PANK1: variants seen among roughly 807,000 people sequenced by gnomAD.
The protein encoded by PANK1 is pantothenic acid kinase 1.
A neutral mutation model predicts 40.1 loss-of-function variants in PANK1; 18 were observed. The observed-to-expected ratio is 0.45, with a 90% confidence interval of 0.31 to 0.67. PANK1 has a LOEUF of 0.67. Among genes scored for constraint, PANK1 ranks in the 30% least tolerant of loss-of-function variants. The probability of loss-of-function intolerance (pLI) is 0.06; values close to 1 mark genes in which losing one functional copy is unlikely to be tolerated. For synonymous variants in PANK1, 242 were observed against 237.7 expected, an observed-to-expected ratio of 1.02 and a Z score of -0.17; for missense variants, 457 against 599.6, an observed-to-expected ratio of 0.76 and a Z score of 2.48.
chr10:89,612,305 C>T (rs1254885041), intron 1 of PANK1, among the ~76,000 whole-genome samples: 1 of 152,196 alleles, frequency 6.6e-6, no homozygotes, highest in Non-Finnish European at 1.5e-5. Flanking sequence ...TAGGATTCTG[C>T]AGTTCCCTAA....
At chr10:89,588,595 T>G (rs7913785) in intron 6 of PANK1, 57 bp downstream of exon 6, 49,127 of 1,429,340 alleles carry the variant, frequency 0.034, 1,075 homozygotes, top group African/African-American at 0.089. Context: ...GCTGATATGT[T>G]AGCCAAACCA....
At chr10:89,595,359 G>T (rs768140719) in intron 3 of PANK1, among the ~76,000 whole-genome samples, 17 of 152,132 alleles carry the variant, frequency 1.1e-4, no homozygotes, top group Non-Finnish European at 1.5e-4. Flanking sequence ...ACTGAGGAAG[G>T]AGAATTGCTT....
At chr10:89,644,014 T>A (rs919385231) in intron 1 of PANK1, 6 of 417,294 alleles carry the variant, frequency 1.4e-5, no homozygotes, top group Admixed American at 8.6e-5. Flanking sequence ...TCAGTGGGTG[T>A]GTCCCTCCCA....
At chr10:89,606,835 T>A (rs1388637660) in intron 2 of PANK1, among the ~76,000 whole-genome samples, 1 of 152,206 alleles carries the variant, frequency 6.6e-6, no homozygotes, top group Non-Finnish European at 1.5e-5. Flanking sequence ...ACCTTTCAAC[T>A]TTTCTTCTGC....
At chr10:89,610,414 G>GT (rs1490429096) in intron 2 of PANK1, among the ~76,000 whole-genome samples, 21 of 152,044 alleles carry the variant, frequency 1.4e-4, no homozygotes, top group Non-Finnish European at 1.5e-5. Flanking sequence ...GGTCATTTAA[G>GT]TAAGTGGCAA....
chr10:89,601,353 T>C (rs1844780012), intron 2 of PANK1, among the ~76,000 whole-genome samples: 1 of 138,554 alleles, frequency 7.2e-6, no homozygotes, highest in African/African-American at 2.7e-5. Context: ...GTGGGGTACA[T>C]GCTGCTGGTC....
At chr10:89,579,796 T>C (rs1844020607), downstream of PANK1, 1 of 152,246 alleles carries the variant, frequency 6.6e-6, no homozygotes, top group Non-Finnish European at 1.5e-5. Flanking sequence ...TATTGGTTTA[T>C]ATGCTTCAAG....
intron 1 of PANK1, among the ~76,000 whole-genome samples, chr10:89,634,301 C>A (rs745542083): frequency 6.6e-6 from 1 of 152,108 alleles, no homozygotes; most frequent in Non-Finnish European, 1.5e-5. Context: ...TGTCCAGAAG[C>A]CCCAGAGGGA....
intron 6 of PANK1, among the ~76,000 whole-genome samples, chr10:89,586,493 C>A (rs1032159468): frequency 6.6e-6 from 1 of 152,092 alleles, no homozygotes; most frequent in Non-Finnish European, 1.5e-5. Flanking sequence ...GTATGAATTT[C>A]TATCATTGGG....
chr10:89,618,973 C>CG (rs1192588487), intron 1 of PANK1, among the ~76,000 whole-genome samples: 1 of 152,184 alleles, frequency 6.6e-6, no homozygotes, highest in African/African-American at 2.4e-5. Flanking sequence ...CCTATGCTGA[C>CG]TAATATACCC....
chr10:89,610,308 T>C (rs1845113972), intron 2 of PANK1, among the ~76,000 whole-genome samples: 1 of 152,204 alleles, frequency 6.6e-6, no homozygotes, highest in Non-Finnish European at 1.5e-5. Context: ...TTTTCCATTA[T>C]GGACTGAAAC....
chr10:89,612,754 C>G (rs923525292), intron 1 of PANK1, among the ~76,000 whole-genome samples: 1 of 152,230 alleles, frequency 6.6e-6, no homozygotes, highest in African/African-American at 2.4e-5. Context: ...TTCCAAATAG[C>G]CTGCTCAGAA....
chr10:89,593,232 T>C lies in PANK1; in HGVS notation c.1165A>G (p.Ile389Val). The C allele has an allele frequency of 1.2e-6, 2 of 1,613,676 alleles. No individual in the cohort carries two copies. Among genetic ancestry groups the C allele is most frequent in the Non-Finnish European group, 1.7e-6 (2 of 1,179,670 alleles). The change falls in exon 5 of 7, where the codon ATT (isoleucine) becomes GTT (valine). Residue 389 changes from isoleucine (I) to valine (V), a missense_variant. Around this residue, in one of 4 missense-constraint regions of PANK1, gnomAD observed 286 missense variants for 415.8 expected, o/e 0.69. Coordinates refer to ENST00000307534, the MANE Select transcript of PANK1 (RefSeq NM_148977.3). ...RATLVTITNNIGSIARMCALN... is the reference protein window; with the variant it reads ...RATLVTITNNVGSIARMCALN... Reference sequence around the variant, plus strand: ...GCGCACATCCGAGCAATGGAGCCAATGTTGTTGGTGATGGTGACCAATGTG... The same window carrying C: ...GCGCACATCCGAGCAATGGAGCCAACGTTGTTGGTGATGGTGACCAATGTG...
chr10:89,609,845 C>T (rs557470433), intron 2 of PANK1, among the ~76,000 whole-genome samples: 1 of 152,196 alleles, frequency 6.6e-6, no homozygotes, highest in African/African-American at 2.4e-5. Context: ...CTGCTCATGG[C>T]CAACACATAT....
At chr10:89,635,017 G>A (rs1338288047) in intron 1 of PANK1, among the ~76,000 whole-genome samples, 1 of 152,090 alleles carries the variant, frequency 6.6e-6, no homozygotes, top group African/African-American at 2.4e-5. Context: ...TCCCAGTCAG[G>A]GCAAGATGAG....
At chr10:89,610,196 C>A (rs576477140) in intron 2 of PANK1, among the ~76,000 whole-genome samples, 1 of 152,252 alleles carries the variant, frequency 6.6e-6, no homozygotes, top group Admixed American at 6.5e-5. Context: ...TTACTCCCAC[C>A]TCTTTGCAGA....
At chr10:89,624,008 C>A (rs1845587074) in intron 1 of PANK1, among the ~76,000 whole-genome samples, 1 of 152,210 alleles carries the variant, frequency 6.6e-6, no homozygotes, top group Admixed American at 6.5e-5. Flanking sequence ...ACTGTCACAA[C>A]CTTGTGTGAC....
chr10:89,626,759 C>T (rs997149989), intron 1 of PANK1: 2 of 152,222 alleles, frequency 1.3e-5, no homozygotes, highest in African/African-American at 2.4e-5. Context: ...CAGCATCCAC[C>T]CAGGAATGGC....
chr10:89,625,916 G>C (rs1187546879), intron 1 of PANK1: 2 of 152,038 alleles, frequency 1.3e-5, no homozygotes, highest in African/African-American at 4.8e-5. Flanking sequence ...TTTTCCTTCA[G>C]TCTTTTCGTT....
Sources: gnomAD v4.1 joint callset for allele counts (sites outside exome capture counted in the v4.1 genomes callset) on GRCh38, gnomAD v4.1.1 for gene constraint, gnomAD v4.1.1 regional missense constraint, MANE v1.5 for transcripts, NCBI Gene and HGNC (gene_info 2026-07-23, HGNC 2026-07-21) for gene names.